PIP5K1B: variants seen among roughly 807,000 people sequenced by gnomAD.
The protein encoded by PIP5K1B is phosphatidylinositol-4-phosphate 5-kinase type 1 beta.
Under a neutral mutation model 67.0 loss-of-function variants are expected in PIP5K1B, and 42 were observed. That is an observed-to-expected ratio of 0.63 (90% CI 0.49 to 0.81). The LOEUF (loss-of-function observed/expected upper bound fraction) is 0.81. Among genes scored for constraint, PIP5K1B ranks in the 30% least tolerant of loss-of-function variants. The pLI, the probability that PIP5K1B is intolerant of heterozygous loss-of-function variation, is 0.00. For missense variants in PIP5K1B, 459 were observed against 646.3 expected (o/e 0.71, Z 3.14); for synonymous variants, 214 against 231.4 (o/e 0.92, Z 0.68).
rs975646752 is a variant in PIP5K1B at position 68,981,652 on chromosome 9, A to T, written c.1503-9488A>T. 2.0e-4 allele frequency among the ~76,000 whole-genome samples: 31 copies of T among 152,334 alleles called. No homozygotes were observed. The East Asian group carries it at 6.0e-3, about 29-fold the overall frequency. Reference sequence around the variant, plus strand: ...TTCCCTCAACAAATGCTCTCATGAGAATTAGCTATAAAACACTCATTAGGT... The same window carrying T: ...TTCCCTCAACAAATGCTCTCATGAGTATTAGCTATAAAACACTCATTAGGT... On this transcript the variant is annotated intron_variant, in intron 14 of 15. Transcript: ENST00000265382.
intron 2 of PIP5K1B, chr9:68,783,150 C>T (rs1831395632): frequency 4.8e-5 from 8 of 167,078 alleles, no homozygotes. Context: ...TTGAAAACTT[C>T]ACTTGCTTCC....
chr9:68,766,018 C>T (rs1225357845), intron 2 of PIP5K1B, among the ~76,000 whole-genome samples: 1 of 152,050 alleles, frequency 6.6e-6, no homozygotes, highest in Non-Finnish European at 1.5e-5. Flanking sequence ...ATTGGAAACA[C>T]CTTAAATTTC....
chr9:68,711,854 G>A (rs1827409614), intron 1 of PIP5K1B, among the ~76,000 whole-genome samples: 1 of 152,176 alleles, frequency 6.6e-6, no homozygotes, highest in Admixed American at 6.5e-5. Context: ...TTAATAGTGA[G>A]TTTGGTTCAG....
chr9:68,919,641 G>T (rs773577635), intron 10 of PIP5K1B, 40 bp from the exon 11 acceptor site: 1 of 1,430,576 alleles, frequency 7.0e-7, no homozygotes, highest in South Asian at 1.2e-5. Flanking sequence ...AAATGAGAGT[G>T]ATTTTACATT....
intron 14 of PIP5K1B, among the ~76,000 whole-genome samples, chr9:68,970,987 T>C (rs1970939): frequency 0.51 from 77,216 of 152,124 alleles, 20,127 homozygotes; most frequent in East Asian, 0.77. Context: ...TTATTATTTA[T>C]GTATTTATTT....
chr9:68,888,632 C>A (rs1824607460), intron 6 of PIP5K1B, among the ~76,000 whole-genome samples: 1 of 152,162 alleles, frequency 6.6e-6, no homozygotes, highest in South Asian at 2.1e-4. Flanking sequence ...CAGTTCACAT[C>A]TTCACTTGTT....
intron 5 of PIP5K1B, among the ~76,000 whole-genome samples, chr9:68,874,766 T>C (rs760517230): frequency 6.6e-6 from 1 of 152,036 alleles, no homozygotes; most frequent in Admixed American, 6.6e-5. Flanking sequence ...TTGTATGGGA[T>C]AGAAGGTGAA....
At chr9:68,997,851 CT>C (rs941681038) in intron 15 of PIP5K1B, among the ~76,000 whole-genome samples, 1 of 152,088 alleles carries the variant, frequency 6.6e-6, no homozygotes, top group Non-Finnish European at 1.5e-5. Flanking sequence ...CATTAAACTG[CT>C]GTTTAAGGAT....
chr9:68,824,895 A>G (rs1270891010), intron 4 of PIP5K1B, among the ~76,000 whole-genome samples: 1 of 152,242 alleles, frequency 6.6e-6, no homozygotes, highest in African/African-American at 2.4e-5. Flanking sequence ...ACTTAAAGCT[A>G]GAATAGGAAA....
chr9:68,835,745 G>T (rs1834568079), intron 4 of PIP5K1B, among the ~76,000 whole-genome samples: 1 of 151,370 alleles, frequency 6.6e-6, no homozygotes, highest in Non-Finnish European at 1.5e-5. Flanking sequence ...GTGGAAGGTT[G>T]TTTCAAAAAG....
intron 13 of PIP5K1B, among the ~76,000 whole-genome samples, chr9:68,939,857 G>A (rs1827470306): frequency 6.6e-6 from 1 of 152,150 alleles, no homozygotes; most frequent in Non-Finnish European, 1.5e-5. Context: ...AGGAATACCA[G>A]GAATACCTTA....
chr9:68,849,773 A>C (rs1822386622), intron 4 of PIP5K1B, among the ~76,000 whole-genome samples: 1 of 152,226 alleles, frequency 6.6e-6, no homozygotes, highest in Non-Finnish European at 1.5e-5. Flanking sequence ...CTCAAGAATA[A>C]GTGTGAGAAG....
intron 4 of PIP5K1B, among the ~76,000 whole-genome samples, chr9:68,828,488 C>G (rs1053515445): frequency 5.3e-5 from 8 of 152,112 alleles, no homozygotes; most frequent in African/African-American, 1.4e-4. Flanking sequence ...TCTTTGAAGA[C>G]CTTGGTTGTT....
intron 2 of PIP5K1B, chr9:68,780,078 CG>C (rs1160935367): frequency 7.3e-7 from 1 of 1,372,544 alleles, no homozygotes; most frequent in Non-Finnish European, 9.4e-7. Context: ...TTCTCGGTGG[CG>C]GCGGCAGCGG....
chr9:68,941,577 T>C (rs1322858552), intron 14 of PIP5K1B, among the ~76,000 whole-genome samples: 1 of 152,246 alleles, frequency 6.6e-6, no homozygotes. Flanking sequence ...TGAAGTGTTA[T>C]AAAAATAGAA....
At chr9:69,003,369 G>T (rs1448818894) in intron 15 of PIP5K1B, among the ~76,000 whole-genome samples, 2 of 150,634 alleles carry the variant, frequency 1.3e-5, no homozygotes, top group Non-Finnish European at 2.9e-5. Flanking sequence ...TTGGGACAAA[G>T]AATTTCAACT....
At position 68,925,795 on chromosome 9, in the gene PIP5K1B, A is replaced by ATTTTTTTTTTTTTTTTTTTTTTTTTT. The variant is rs71353094; in HGVS notation, c.1201+2429_1201+2430insTTTTTTTTTTTTTTTTTTTTTTTTTT. Reference sequence around the variant, plus strand: ...ACATGAATACCAGCTTGTGGTTCCAATTTTTTTTTTTTTTTTTTTTGAGAC... The same window carrying ATTTTTTTTTTTTTTTTTTTTTTTTTT: ...ACATGAATACCAGCTTGTGGTTCCAATTTTTTTTTTTTTTTTTTTTTTTTTTTTTTTTTTTTTTTTTTTTTTGAGAC... On this transcript the variant is annotated intron_variant, in intron 12 of 15. Transcript: ENST00000265382. Among the ~76,000 whole-genome samples, 327 of 73,248 alleles carry ATTTTTTTTTTTTTTTTTTTTTTTTTT rather than the reference A, an allele frequency of 4.5e-3. 67 individuals are homozygous for ATTTTTTTTTTTTTTTTTTTTTTTTTT. Among genetic ancestry groups the ATTTTTTTTTTTTTTTTTTTTTTTTTT allele is most frequent in the Middle Eastern group, 0.018 (1 of 56 alleles). The allele number at this position is 73,248 out of a possible 152,430, so 48.1% of individuals were successfully genotyped here. A position where few individuals can be genotyped will look rare whatever the true frequency, so the allele number is the denominator to read the frequency against.
At chr9:68,906,873 C>T (rs981575626) in intron 8 of PIP5K1B, among the ~76,000 whole-genome samples, 2 of 152,192 alleles carry the variant, frequency 1.3e-5, no homozygotes, top group Admixed American at 6.5e-5. Flanking sequence ...CACAGAGATT[C>T]TCCATCCTCT....
intron 12 of PIP5K1B, among the ~76,000 whole-genome samples, chr9:68,928,302 A>G (rs1016558935): frequency 1.3e-5 from 2 of 152,052 alleles, no homozygotes; most frequent in Non-Finnish European, 2.9e-5. Flanking sequence ...TGTCCCTATG[A>G]ATTTTATAAT....
Sources: gnomAD v4.1 joint callset for allele counts (sites outside exome capture counted in the v4.1 genomes callset) on GRCh38, gnomAD v4.1.1 for gene constraint, MANE v1.5 for transcripts, NCBI Gene and HGNC (gene_info 2026-07-23, HGNC 2026-07-21) for gene names.